The following ZC3H7B variants were observed in gnomAD, a reference collection of about 807,000 sequenced individuals.
ZC3H7B encodes the protein zinc finger CCCH-type containing 7B.
ZC3H7B carries 35 observed loss-of-function variants against 116.0 expected under a neutral mutation model. The ratio of observed to expected loss-of-function variants is 0.30; its 90% CI spans 0.23 to 0.40. The LOEUF is 0.40. ZC3H7B is among the 10% of genes least tolerant of loss of function. ZC3H7B has a pLI of 1.00. For synonymous variants in ZC3H7B, 502 were observed against 545.6 expected (o/e 0.92, Z 1.11); for missense variants, 1,011 against 1,321.5 (o/e 0.77, Z 3.64).
At chr22:41,352,576 C>T (rs2036666206) in intron 17 of ZC3H7B, among the ~76,000 whole-genome samples, 1 of 152,108 alleles carries the variant, frequency 6.6e-6, no homozygotes, top group Non-Finnish European at 1.5e-5. Flanking sequence ...GCGTGTCCAA[C>T]ATAGTGAAAC....
intron 1 of ZC3H7B, among the ~76,000 whole-genome samples, chr22:41,304,764 G>T (rs1228545028): frequency 6.6e-6 from 1 of 152,192 alleles, no homozygotes; most frequent in Admixed American, 6.5e-5. Flanking sequence ...AATTGTTATA[G>T]TAGCTCCGTG....
At position 41,348,344 on chromosome 22, in the gene ZC3H7B, C is replaced by T. The variant is rs563164682; in HGVS notation, c.1766+177C>T. On this transcript the variant is annotated intron_variant, in intron 15 of 22. Transcript: ENST00000352645. The stretch of plus-strand genomic sequence containing the variant: ...TGGAAAGGATGAGAATCACATTTGT[C>T]GAACATCTACTATATTCCAAGCGTC... Among the ~76,000 whole-genome samples the T allele has an allele frequency of 3.3e-5, 5 of 152,332 alleles. No individual in the cohort carries two copies. In the East Asian group the frequency reaches 9.6e-4, roughly 29 times the overall value.
Position 41,351,504 on chromosome 22 carries a change from C to T in ZC3H7B, c.1949-57C>T. ...TCCCTGGCACCTCGTGGACCCCCTGCCTCCCTCCTTGCTGAGCACCTTGAA... is the reference window on the plus strand; with the variant it reads ...TCCCTGGCACCTCGTGGACCCCCTGTCTCCCTCCTTGCTGAGCACCTTGAA... On this transcript the variant is annotated intron_variant, in intron 16 of 22. Transcript: ENST00000352645. The surrounding 1 kb of genome is among the most constrained non-coding windows in gnomAD (Gnocchi z 5.1). 2.6e-6 allele frequency: 4 copies of T among 1,529,212 alleles called. No homozygotes were observed. Among genetic ancestry groups the T allele is most frequent in the Non-Finnish European group, 3.6e-6 (4 of 1,124,722 alleles). 94.7% of individuals were successfully genotyped at this position (1,529,212 alleles called of 1,614,324 possible). A position where few individuals can be genotyped will look rare whatever the true frequency, so the allele number is the denominator to read the frequency against.
At chr22:41,353,483 G>A (rs2036678724) in intron 17 of ZC3H7B, among the ~76,000 whole-genome samples, 1 of 152,226 alleles carries the variant, frequency 6.6e-6, no homozygotes, top group African/African-American at 2.4e-5. Context: ...CCCAGGTGGT[G>A]GGATCACTGT....
intron 16 of ZC3H7B, among the ~76,000 whole-genome samples, chr22:41,350,602 G>A (rs2036643597): frequency 6.6e-6 from 1 of 152,146 alleles, no homozygotes; most frequent in South Asian, 2.1e-4. Context: ...AGAGCGTCAA[G>A]GTGGACTCTA....
chr22:41,354,306 T>C (rs2036686544), intron 17 of ZC3H7B, among the ~76,000 whole-genome samples: 1 of 152,224 alleles, frequency 6.6e-6, no homozygotes. Flanking sequence ...ACTTGTTGCC[T>C]GCTCCAGTGC....
In ZC3H7B at chr22:41,357,890, C is replaced by T. The variant is rs5758310; in HGVS notation, c.*461C>T. Reference sequence around the variant, plus strand: ...AGGACACAACAGAGGGCAGAGGCCCCATTAGCTTTAAAATGTAGCCCCAGG... The same window carrying T: ...AGGACACAACAGAGGGCAGAGGCCCTATTAGCTTTAAAATGTAGCCCCAGG... On this transcript the variant is annotated 3_prime_UTR_variant, in exon 23 of 23. Transcript: ENST00000352645. This position sits in a 1 kb window ranked among gnomAD's most constrained non-coding sequence, Gnocchi z 5.4. 0.088 allele frequency: 16,184 copies of T among 184,656 alleles called. 2,517 individuals are homozygous for T. The highest frequency in any genetic ancestry group is 0.45 in the East Asian group (3,299 of 7,396). The allele number at this position is 184,656 out of a possible 1,614,324, so 11.4% of individuals were successfully genotyped here.
At chr22:41,344,253 C>G (rs953202777) in intron 13 of ZC3H7B, among the ~76,000 whole-genome samples, 1 of 152,182 alleles carries the variant, frequency 6.6e-6, no homozygotes, top group South Asian at 2.1e-4. Flanking sequence ...TGCCTCTCCC[C>G]CAACCTGGCC....
At position 41,357,658 on chromosome 22, in the gene ZC3H7B, C is replaced by T; in HGVS notation, c.*229C>T. ...CCCGCTGAAACCTGGGCTGCCCTTC[C>T]CCCACCCCCACGGCTCTCCTGGTTG... On this transcript the variant is annotated 3_prime_UTR_variant, in exon 23 of 23. Coordinates refer to ENST00000352645, the MANE Select transcript of ZC3H7B (RefSeq NM_017590.6). The surrounding 1 kb of genome is among the most constrained non-coding windows in gnomAD (Gnocchi z 5.4). 1.6e-6 allele frequency: 1 copy of T among 608,538 alleles called. No individual in the cohort carries two copies. Among genetic ancestry groups the T allele is most frequent in the Non-Finnish European group, 2.8e-6 (1 of 353,176 alleles). 37.7% of individuals were successfully genotyped at this position (608,538 alleles called of 1,614,324 possible). A position where few individuals can be genotyped will look rare whatever the true frequency, so the allele number is the denominator to read the frequency against.
At position 41,311,562 on chromosome 22, in the gene ZC3H7B, A is replaced by G. The variant is rs1256733453; in HGVS notation, c.-6-9093A>G. Among the ~76,000 whole-genome samples the G allele has an allele frequency of 2.0e-5, 3 of 152,028 alleles. No individual in the cohort carries two copies. The South Asian group carries it at 6.2e-4, about 32-fold the overall frequency. The stretch of plus-strand genomic sequence containing the variant: ...CATTCCAGGTAGAGGGCCCAAGATT[A>G]AGAAAGGGATGGAAGTCATAGGCAG... On this transcript the variant is annotated intron_variant, in intron 1 of 22. Coordinates refer to ENST00000352645, the MANE Select transcript of ZC3H7B (RefSeq NM_017590.6).
intron 9 of ZC3H7B, among the ~76,000 whole-genome samples, chr22:41,339,450 A>G (rs1367326513): frequency 1.3e-5 from 2 of 151,532 alleles, no homozygotes; most frequent in African/African-American, 4.9e-5. Flanking sequence ...ACGTGGTGAA[A>G]CCCCCTCTCT....
Position 41,356,732 on chromosome 22 carries a change from A to C in ZC3H7B, c.2605A>C (p.Lys869Gln). 1 of 1,613,634 alleles carries C rather than the reference A, an allele frequency of 6.2e-7. No individual in the cohort carries two copies. The highest frequency in any genetic ancestry group is 1.7e-4 in the Middle Eastern group (1 of 6,060). ...CATCCAGTCCGAGAAGCACAAGGAG[A>C]AGGTCTTCACGTCCGACAGTGACGC... is the stretch of plus-strand genomic sequence containing the variant. Reference protein sequence around the residue: ...QHIQSEKHKEKVFTSDSDASG... With the variant: ...QHIQSEKHKEQVFTSDSDASG... The change falls in exon 22 of 23, where the codon AAG (lysine) becomes CAG (glutamine). Residue 869 changes from lysine to glutamine, a missense_variant. Around this residue, in one of 5 missense-constraint regions of ZC3H7B, gnomAD observed 406 missense variants for 590.2 expected, o/e 0.69. Coordinates refer to ENST00000352645, the MANE Select transcript of ZC3H7B (RefSeq NM_017590.6).
At chr22:41,340,391 C>G (rs575259483) in intron 10 of ZC3H7B, among the ~76,000 whole-genome samples, 1 of 152,058 alleles carries the variant, frequency 6.6e-6, no homozygotes, top group Non-Finnish European at 1.5e-5. Flanking sequence ...GACTCCCAGT[C>G]TGGTGCTCCC....
At chr22:41,334,213 T>A (rs1044826840) in intron 7 of ZC3H7B, 1 of 152,272 alleles carries the variant, frequency 6.6e-6, no homozygotes, top group Non-Finnish European at 1.5e-5. Context: ...AGCACTGCTT[T>A]GTACCCAGTG....
At chr22:41,317,821 G>A (rs1033185961) in intron 1 of ZC3H7B, among the ~76,000 whole-genome samples, 18 of 152,118 alleles carry the variant, frequency 1.2e-4, no homozygotes, top group Admixed American at 3.9e-4. Context: ...AGGGAAGGGT[G>A]TGGGCTGTTA....
chr22:41,349,005 C>T lies in ZC3H7B; in HGVS notation c.1767-115C>T. 2 of 1,169,346 alleles carry T rather than the reference C, an allele frequency of 1.7e-6. No homozygotes were observed. Among genetic ancestry groups the T allele is most frequent in the South Asian group, 3.0e-5 (2 of 67,622 alleles). The allele number at this position is 1,169,346 out of a possible 1,614,324, so 72.4% of individuals were successfully genotyped here. On this transcript the variant is annotated intron_variant, in intron 15 of 22. Transcript: ENST00000352645. The surrounding 1 kb of genome is among the most constrained non-coding windows in gnomAD (Gnocchi z 4.9). Reference sequence around the variant, plus strand: ...TGTCATCCATGGCCTGGATTTGGTACATAGATCAGGGGGTGCCCAGGGAGA... The same window carrying T: ...TGTCATCCATGGCCTGGATTTGGTATATAGATCAGGGGGTGCCCAGGGAGA...
chr22:41,329,031 C>CAAAAAA (rs905189346), intron 5 of ZC3H7B, among the ~76,000 whole-genome samples: 24 of 40,476 alleles, frequency 5.9e-4, no homozygotes, highest in African/African-American at 1.5e-3. Flanking sequence ...TACTAAAATA[C>CAAAAAA]AAAAAAAAAA....
chr22:41,312,781 C>T (rs778609860), intron 1 of ZC3H7B, among the ~76,000 whole-genome samples: 2 of 151,708 alleles, frequency 1.3e-5, no homozygotes, highest in Non-Finnish European at 2.9e-5. Context: ...CGTGATGGTG[C>T]GTGCCTGTGG....
At chr22:41,325,304 G>C (rs2036303816) in intron 2 of ZC3H7B, among the ~76,000 whole-genome samples, 1 of 152,012 alleles carries the variant, frequency 6.6e-6, no homozygotes, top group Non-Finnish European at 1.5e-5. Flanking sequence ...GGCCAGGCTG[G>C]AGGTGGGGCT....
Sources: gnomAD v4.1 joint callset for allele counts (sites outside exome capture counted in the v4.1 genomes callset) on GRCh38, gnomAD v4.1.1 for gene constraint, gnomAD v4.1.1 regional missense constraint, Gnocchi (gnomAD v3.1) non-coding constraint, MANE v1.5 for transcripts, NCBI Gene and HGNC (gene_info 2026-07-23, HGNC 2026-07-21) for gene names.